Variants in EPDR1 observed in about 807,000 individuals in gnomAD.
EPDR1 encodes the protein ependymin related 1, also known as mammalian ependymin-related protein 1.
EPDR1 carries 27 observed loss-of-function variants against 23.7 expected under a neutral mutation model. That is an observed-to-expected ratio of 1.14 (90% CI 0.84 to 1.57). The LOEUF (loss-of-function observed/expected upper bound fraction) is 1.57, where lower values mean the gene tolerates loss of function less well. Among genes scored for constraint, EPDR1 ranks in the 40% most tolerant of loss-of-function variants. The pLI is 0.00. For synonymous variants in EPDR1, 137 were observed against 118.2 expected (o/e 1.16, Z -1.03); for missense variants, 349 against 290.4 (o/e 1.20, Z -1.47).
intron 1 of EPDR1, among the ~76,000 whole-genome samples, chr7:37,945,963 A>T (rs1389778202): frequency 6.6e-6 from 1 of 152,192 alleles, no homozygotes; most frequent in Non-Finnish European, 1.5e-5. Context: ...CTTATAAGTG[A>T]GAACATGCAG....
At chr7:37,937,984 A>ATTTTTTTTTTTTTT (rs1347900474) in intron 1 of EPDR1, among the ~76,000 whole-genome samples, 1 of 62,244 alleles carries the variant, frequency 1.6e-5, no homozygotes. Flanking sequence ...GTGCCCTTTA[A>ATTTTTTTTTTTTTT]ATTTTTTTTT....
chr7:37,950,404 C>T lies in EPDR1; in HGVS notation c.*8C>T. 1.2e-6 allele frequency: 2 copies of T among 1,602,680 alleles called. No individual in the cohort carries two copies. Among genetic ancestry groups the T allele is most frequent in the Non-Finnish European group, 1.7e-6 (2 of 1,172,788 alleles). The stretch of plus-strand genomic sequence containing the variant: ...GAAGACTGCTCCTGGTGAGCCTGTG[C>T]ATAGGGAAGCGGCAGCATCGGATGT... On this transcript the variant is annotated 3_prime_UTR_variant, in exon 3 of 3. Transcript: ENST00000199448.
intron 1 of EPDR1, among the ~76,000 whole-genome samples, chr7:37,932,776 CA>C (rs1204061693): frequency 6.6e-6 from 1 of 152,122 alleles, no homozygotes; most frequent in African/African-American, 2.4e-5. Flanking sequence ...GGTGGTGAAA[CA>C]AAACTCAGCC....
chr7:37,940,556 T>C (rs79488424), intron 1 of EPDR1, among the ~76,000 whole-genome samples: 6,126 of 152,258 alleles, frequency 0.04, 411 homozygotes, highest in African/African-American at 0.14. Context: ...TAGGGAATTA[T>C]ATTCTAAGGA....
At chr7:37,921,550 TG>T in intron 1 of EPDR1, 1 of 1,217,688 alleles carries the variant, frequency 8.2e-7, no homozygotes, top group Non-Finnish European at 1.0e-6. Context: ...TCTGGGCTCA[TG>T]GAGCCCCCTG....
Position 37,940,145 on chromosome 7 carries a change from A to G in EPDR1, c.270-8695A>G, listed in dbSNP as rs150112154. Among the ~76,000 whole-genome samples the G allele has an allele frequency of 3.3e-5, 5 of 152,362 alleles. No individual in the cohort carries two copies. In the East Asian group the frequency reaches 9.6e-4, roughly 29 times the overall value. Reference sequence around the variant, plus strand: ...GGCATTAGTGGAGAATGGAGAAAGCAAGATGCAGAAAGGTCTATATGGCAT... The same window carrying G: ...GGCATTAGTGGAGAATGGAGAAAGCGAGATGCAGAAAGGTCTATATGGCAT... On this transcript the variant is annotated intron_variant, in intron 1 of 2. Transcript: ENST00000199448.
chr7:37,935,051 G>T (rs1256662346), intron 1 of EPDR1, among the ~76,000 whole-genome samples: 1 of 152,144 alleles, frequency 6.6e-6, no homozygotes, highest in Non-Finnish European at 1.5e-5. Flanking sequence ...AAATAATCTA[G>T]AAATAATTTA....
intron 1 of EPDR1, among the ~76,000 whole-genome samples, chr7:37,924,029 G>C (rs886450593): frequency 6.6e-6 from 1 of 152,146 alleles, no homozygotes; most frequent in African/African-American, 2.4e-5. Flanking sequence ...AGCACACACA[G>C]ACCCTTCCTT....
rs192675914 is a variant in EPDR1 at position 37,926,695 on chromosome 7, C to T, written c.269+5487C>T. ...AGTTACTTACCTTTGGCAGGAATAT[C>T]AGGGATAATACTCTGTTCCAATTGC... On this transcript the variant is annotated intron_variant, in intron 1 of 2. Coordinates refer to ENST00000199448, the MANE Select transcript of EPDR1 (RefSeq NM_017549.5). 1.0e-3 allele frequency: 477 copies of T among 454,436 alleles called. 1 individual carries two copies. The highest frequency in any genetic ancestry group is 8.6e-3 in the African/African-American group (433 of 50,130). The allele number at this position is 454,436 out of a possible 1,614,324, so 28.2% of individuals were successfully genotyped here. A position where few individuals can be genotyped will look rare whatever the true frequency, so the allele number is the denominator to read the frequency against.
In EPDR1 at chr7:37,950,703, C is replaced by A; in HGVS notation, c.*307C>A. ...CACGGGTATACACATAATGCAGTGCCATGCACATAGGGAAGGGTCAGTAAG... is the reference window on the plus strand; with the variant it reads ...CACGGGTATACACATAATGCAGTGCAATGCACATAGGGAAGGGTCAGTAAG... On this transcript the variant is annotated 3_prime_UTR_variant, in exon 3 of 3. Coordinates refer to ENST00000199448, the MANE Select transcript of EPDR1 (RefSeq NM_017549.5). 3.7e-6 allele frequency: 1 copy of A among 269,322 alleles called. No homozygotes were observed. 16.7% of individuals were successfully genotyped at this position (269,322 alleles called of 1,614,324 possible).
chr7:37,928,144 G>A (rs997837485), intron 1 of EPDR1, among the ~76,000 whole-genome samples: 15 of 152,158 alleles, frequency 9.9e-5, no homozygotes, highest in South Asian at 4.2e-4. Flanking sequence ...ACAAATTTAC[G>A]AATGGAAGCC....
chr7:37,940,603 G>A (rs1786151442), intron 1 of EPDR1, among the ~76,000 whole-genome samples: 1 of 151,974 alleles, frequency 6.6e-6, no homozygotes, highest in African/African-American at 2.4e-5. Flanking sequence ...ACTTCACTTG[G>A]CAATTTTGTT....
intron 1 of EPDR1, among the ~76,000 whole-genome samples, chr7:37,944,690 G>A (rs1251340009): frequency 2.6e-5 from 4 of 152,190 alleles, no homozygotes; most frequent in African/African-American, 9.7e-5. Flanking sequence ...AAAGAACCGT[G>A]CCCATTATTC....
At chr7:37,936,015 T>TACAC (rs1439635635) in intron 1 of EPDR1, among the ~76,000 whole-genome samples, 2 of 75,418 alleles carry the variant, frequency 2.7e-5, no homozygotes, top group African/African-American at 7.8e-5. Flanking sequence ...TATATATATA[T>TACAC]ATATATATAT....
chr7:37,937,608 G>T (rs1233526305), intron 1 of EPDR1, among the ~76,000 whole-genome samples: 1 of 152,122 alleles, frequency 6.6e-6, no homozygotes, highest in Non-Finnish European at 1.5e-5. Flanking sequence ...ATGAAAGGAG[G>T]TGAATTAAAA....
intron 1 of EPDR1, among the ~76,000 whole-genome samples, chr7:37,930,639 A>G (rs767455913): frequency 1.2e-4 from 18 of 152,066 alleles, no homozygotes; most frequent in Non-Finnish European, 2.5e-4. Flanking sequence ...TTACCCTTGG[A>G]CCCCAGAGAT....
chr7:37,939,745 T>C (rs986961316), intron 1 of EPDR1, among the ~76,000 whole-genome samples: 1 of 152,236 alleles, frequency 6.6e-6, no homozygotes, highest in African/African-American at 2.4e-5. Flanking sequence ...AACCTAGTAG[T>C]CAGATACCAT....
chr7:37,942,011 A>G (rs1786179351), intron 1 of EPDR1, among the ~76,000 whole-genome samples: 2 of 152,178 alleles, frequency 1.3e-5, no homozygotes, highest in Admixed American at 6.5e-5. Context: ...TATAATAAAA[A>G]TTAGAAAAAT....
At chr7:37,930,840 T>C (rs1785922458) in intron 1 of EPDR1, among the ~76,000 whole-genome samples, 1 of 152,202 alleles carries the variant, frequency 6.6e-6, no homozygotes, top group African/African-American at 2.4e-5. Flanking sequence ...GAATCAAGCC[T>C]CAAAAAGGTC....
Sources: gnomAD v4.1 joint callset for allele counts (sites outside exome capture counted in the v4.1 genomes callset) on GRCh38, gnomAD v4.1.1 for gene constraint, MANE v1.5 for transcripts, NCBI Gene and HGNC (gene_info 2026-07-23, HGNC 2026-07-21) for gene names.